Variants in GOLGB1 observed in about 807,000 individuals in gnomAD.
GOLGB1 encodes golgin B1.
In GOLGB1, 174 loss-of-function variants were observed where a neutral mutation model predicts 336.9. The observed-to-expected ratio is 0.52, with a 90% CI of 0.46 to 0.59. The LOEUF is 0.59. GOLGB1 is among the 20% of genes least tolerant of loss of function. The pLI, the probability that GOLGB1 is intolerant of heterozygous loss-of-function variation, is 0.00. For synonymous variants in GOLGB1, 1,208 were observed against 1,289.2 expected, an observed-to-expected ratio of 0.94 and a Z score of 1.35; for missense variants, 3,331 against 3,645.3, an observed-to-expected ratio of 0.91 and a Z score of 2.22.
intron 17 of GOLGB1, among the ~76,000 whole-genome samples, chr3:121,674,183 A>G (rs1939997840): frequency 6.6e-6 from 1 of 151,790 alleles, no homozygotes; most frequent in African/African-American, 2.4e-5. Context: ...GTATAAGGTC[A>G]TATCATCTGC....
rs756445046 is a variant in GOLGB1 at position 121,676,974 on chromosome 3, T to C, written c.9096A>G (p.Thr3032=). The change falls in exon 17 of 22, where the codon ACA becomes ACG. Residue 3032 remains threonine (T), a synonymous_variant. Coordinates refer to ENST00000614479, the MANE Select transcript of GOLGB1 (RefSeq NM_001366282.2). ...PDGSQNLVYE[T]ELLRTQLNDS... Reference sequence around the variant, plus strand: ...CATTGAGCTGGGTCCTGAGAAGTTCTGTCTCATAAACCAGATTTTGTGACC... The same window carrying C: ...CATTGAGCTGGGTCCTGAGAAGTTCCGTCTCATAAACCAGATTTTGTGACC... 2 of 1,613,636 alleles carry C rather than the reference T, an allele frequency of 1.2e-6. No homozygotes were observed. Among genetic ancestry groups the C allele is most frequent in the South Asian group, 2.2e-5 (2 of 91,066 alleles).
chr3:121,669,413 AAATGTTC>A, intron 17 of GOLGB1, 58 bp from the exon 18 acceptor site: 1 of 1,370,318 alleles, frequency 7.3e-7, no homozygotes, highest in African/African-American at 1.5e-5. Context: ...TGCTGAGGTG[AAATGTTC>A]TGAGTTTTCA....
chr3:121,743,519 G>T (rs1008624174), intron 1 of GOLGB1, among the ~76,000 whole-genome samples: 1 of 152,156 alleles, frequency 6.6e-6, no homozygotes, highest in Non-Finnish European at 1.5e-5. Context: ...TGTAAATGAC[G>T]AGTTGATGGG....
chr3:121,673,065 G>GT (rs957533830), intron 17 of GOLGB1, among the ~76,000 whole-genome samples: 1 of 146,544 alleles, frequency 6.8e-6, no homozygotes, highest in African/African-American at 2.5e-5. Flanking sequence ...GTGTTTTTTT[G>GT]TTTTTTGGTT....
At chr3:121,704,819 C>T (rs1449416140) in intron 10 of GOLGB1, among the ~76,000 whole-genome samples, 3 of 146,552 alleles carry the variant, frequency 2.0e-5, no homozygotes, top group Non-Finnish European at 3.0e-5. Context: ...AATTGTCAAT[C>T]GAGAATTATA....
rs747107626 is a variant in GOLGB1 at position 121,691,923 on chromosome 3, T to C, written c.7441A>G (p.Ile2481Val). The change falls in exon 14 of 22, where the codon ATA becomes GTA. Residue 2481 changes from isoleucine (I) to valine (V), a missense_variant. Physicochemically the swap from Ile to Val is conservative, Grantham distance 29. Transcript: ENST00000614479. ...MSSLQNDRDRIVGDYQQLEER... is the reference protein window; with the variant it reads ...MSSLQNDRDRVVGDYQQLEER... The stretch of plus-strand genomic sequence containing the variant: ...TCCAGCTGTTGATAGTCACCCACTA[T>C]GCGGTCTCGATCATTTTGGAGAGAA... The C allele has an allele frequency of 1.9e-6, 3 of 1,614,222 alleles. No individual in the cohort carries two copies. The highest frequency in any genetic ancestry group is 2.7e-5 in the African/African-American group (2 of 75,078).
chr3:121,696,304 TTA>T lies in GOLGB1; in HGVS notation c.4217_4218del (p.Ile1406LysfsTer8). 1 of 1,614,142 alleles carries T rather than the reference TTA, an allele frequency of 6.2e-7. No homozygotes were observed. The highest frequency in any genetic ancestry group is 8.5e-7 in the Non-Finnish European group (1 of 1,179,996). On this transcript the variant is annotated frameshift_variant, in exon 13 of 22. Transcript: ENST00000614479. LOFTEE classifies it high-confidence loss of function. ...TAGCTAACGTCTTCTTCCTTTTTGC[TTA>T]TGAGTTTTTGCAGTTCATCCAGTTT... ...QPKLDELQKL[I>X]SKKEEDVSYL...
rs944242115 is a variant in GOLGB1 at position 121,677,433 on chromosome 3, C to G, written c.8891G>C (p.Trp2964Ser). Reference sequence around the variant, plus strand: ...CTTCATTCTCCTCTCATGTATTTCCCAGGAACTCTTCTCCATCCTAGAAAA... The same window carrying G: ...CTTCATTCTCCTCTCATGTATTTCCGAGGAACTCTTCTCCATCCTAGAAAA... ...LHQLRMEKSSWEIHERRMKEQ... is the reference protein window; with the variant it reads ...LHQLRMEKSSSEIHERRMKEQ... Residue 2964 changes from tryptophan to serine, a missense_variant, in exon 16 of 22, where the codon TGG becomes TCG. By Grantham distance (177) the Trp-to-Ser change is radical (BLOSUM62 -3). Coordinates refer to ENST00000614479, the MANE Select transcript of GOLGB1 (RefSeq NM_001366282.2). 9 of 1,608,640 alleles carry G rather than the reference C, an allele frequency of 5.6e-6. No individual in the cohort carries two copies. Among genetic ancestry groups the G allele is most frequent in the African/African-American group, 1.3e-5 (1 of 74,754 alleles).
intron 1 of GOLGB1, among the ~76,000 whole-genome samples, chr3:121,739,030 G>A (rs1388732824): frequency 6.6e-6 from 1 of 152,184 alleles, no homozygotes; most frequent in Non-Finnish European, 1.5e-5. Flanking sequence ...GGGAGGCTGA[G>A]GTGGGAGGAT....
chr3:121,730,993 G>GA lies in GOLGB1; in HGVS notation c.-2-21dup, dbSNP rs762436321. 69 of 1,602,994 alleles carry GA rather than the reference G, an allele frequency of 4.3e-5. No homozygotes were observed. The highest frequency in any genetic ancestry group is 3.6e-4 in the East Asian group (16 of 44,752). ...GCATTTCTGTAGGAAAAGAAGGGGG[G>GA]AAAAAACCTAAGAATCAGCAAAATG... On this transcript the variant is annotated intron_variant, in intron 1 of 21. Transcript: ENST00000614479.
chr3:121,739,232 T>G (rs11917076), intron 1 of GOLGB1, among the ~76,000 whole-genome samples: 7,016 of 151,062 alleles, frequency 0.046, 213 homozygotes, highest in Non-Finnish European at 0.06. Flanking sequence ...ACCCCTACAC[T>G]CCAGCCTGGG....
chr3:121,699,045 C>A (rs1576360335), intron 12 of GOLGB1, 116 bp from the exon 13 acceptor site: 2 of 728,536 alleles, frequency 2.7e-6, no homozygotes, highest in East Asian at 5.5e-5. Context: ...TGGTCAAAAC[C>A]TTCTTTGTAC....
Position 121,694,507 on chromosome 3 carries a change from G to C in GOLGB1, c.6016C>G (p.Pro2006Ala), listed in dbSNP as rs746885429. The part of the protein sequence containing the change: ...LEKIQGAQKE[P>A]GNKSHAKELQ... ...TCCTTTGCATGGCTTTTATTTCCGG[G>C]TTCTTTCTGAGCACCTTGTATTTTC... Residue 2006 changes from proline (P) to alanine (A), a missense_variant, in exon 13 of 22, where the codon CCC becomes GCC. By Grantham distance (27) the Pro-to-Ala change is conservative (BLOSUM62 -1). Coordinates refer to ENST00000614479, the MANE Select transcript of GOLGB1 (RefSeq NM_001366282.2). 6 of 1,611,250 alleles carry C rather than the reference G, an allele frequency of 3.7e-6. No individual in the cohort carries two copies. In the South Asian group the frequency reaches 6.6e-5, roughly 18 times the overall value.
chr3:121,668,400 C>T (rs1576250472), intron 18 of GOLGB1: 3 of 283,028 alleles, frequency 1.1e-5, no homozygotes, highest in Admixed American at 5.5e-5. Context: ...CTGGGCCGGG[C>T]GCCGTGGCTC....
chr3:121,677,116 A>G (rs777638986), intron 16 of GOLGB1, 86 bp from the exon 17 acceptor site: 124 of 1,525,822 alleles, frequency 8.1e-5, no homozygotes, highest in Non-Finnish European at 1.1e-4. Flanking sequence ...TCCGCCCCAT[A>G]GAAGTCATAA....
At chr3:121,674,025 T>C (rs1209256137) in intron 17 of GOLGB1, among the ~76,000 whole-genome samples, 3 of 152,178 alleles carry the variant, frequency 2.0e-5, no homozygotes, top group African/African-American at 7.2e-5. Flanking sequence ...CTGACTGGGA[T>C]TGCTTTCTTG....
intron 10 of GOLGB1, among the ~76,000 whole-genome samples, chr3:121,706,014 A>G (rs1354227559): frequency 7.9e-5 from 12 of 152,112 alleles, no homozygotes; most frequent in Admixed American, 7.9e-4. Flanking sequence ...AAAGCTCCAA[A>G]ATATGTTAAC....
intron 5 of GOLGB1, among the ~76,000 whole-genome samples, chr3:121,726,530 T>C (rs961797654): frequency 4.1e-5 from 6 of 144,764 alleles, no homozygotes; most frequent in Non-Finnish European, 9.1e-5. Flanking sequence ...AGAAATGAGG[T>C]GACTGAACTC....
At chr3:121,673,986 G>A (rs13317179) in intron 17 of GOLGB1, among the ~76,000 whole-genome samples, 2,993 of 152,286 alleles carry the variant, frequency 0.02, 106 homozygotes, top group African/African-American at 0.068. Flanking sequence ...CTCCCAAAGT[G>A]CAAGGATTAC....
Sources: gnomAD v4.1 joint callset for allele counts (sites outside exome capture counted in the v4.1 genomes callset) on GRCh38, gnomAD v4.1.1 for gene constraint, MANE v1.5 for transcripts, NCBI Gene and HGNC (gene_info 2026-07-23, HGNC 2026-07-21) for gene names.